The following GFPT1 variants were observed in gnomAD, a reference collection of about 807,000 sequenced individuals.
GFPT1 encodes glutamine--fructose-6-phosphate aminotransferase [isomerizing] 1.
A neutral mutation model predicts 92.0 loss-of-function variants in GFPT1; 40 were observed. That is an observed-to-expected ratio of 0.43 (90% CI 0.34 to 0.57). The LOEUF is 0.57. Ranked by LOEUF, GFPT1 falls within the 20% of genes least tolerant of loss-of-function variation. The probability of loss-of-function intolerance (pLI) is 0.02; values close to 1 mark genes in which losing one functional copy is unlikely to be tolerated. For missense variants in GFPT1, 448 were observed against 869.1 expected (o/e 0.52, Z 6.09); for synonymous variants, 269 against 280.6 (o/e 0.96, Z 0.41).
intron 3 of GFPT1, among the ~76,000 whole-genome samples, chr2:69,365,708 T>C (rs1260953089): frequency 6.6e-6 from 1 of 152,200 alleles, no homozygotes; most frequent in African/African-American, 2.4e-5. Context: ...GGCTTAACTG[T>C]GTTCTAAGTA....
chr2:69,387,115 C>A lies in GFPT1; in HGVS notation c.-44G>T. 1.3e-6 allele frequency: 2 copies of A among 1,526,700 alleles called. No homozygotes were observed. Among genetic ancestry groups the A allele is most frequent in the African/African-American group, 1.4e-5 (1 of 70,526 alleles). 94.6% of individuals were successfully genotyped at this position (1,526,700 alleles called of 1,614,324 possible). A position where few individuals can be genotyped will look rare whatever the true frequency, so the allele number is the denominator to read the frequency against. ...CGCGAGGCCAGGGGCGAGTGGCTGG[C>A]GGGATCGGGGGTGCACACACGAGCT... On this transcript the variant is annotated 5_prime_UTR_variant, in exon 1 of 20. Transcript: ENST00000357308.
chr2:69,378,946 A>G (rs189436301), intron 1 of GFPT1, among the ~76,000 whole-genome samples: 34 of 152,248 alleles, frequency 2.2e-4, no homozygotes, highest in Non-Finnish European at 2.4e-4. Flanking sequence ...ATTCATCACC[A>G]TCATTAAAAA....
At chr2:69,343,489 C>A (rs1192373515) in intron 12 of GFPT1, among the ~76,000 whole-genome samples, 2 of 151,918 alleles carry the variant, frequency 1.3e-5, no homozygotes, top group Admixed American at 6.6e-5. Flanking sequence ...CGGCTCACTG[C>A]AACCTCCACC....
chr2:69,348,667 T>C (rs2104636556), intron 10 of GFPT1, among the ~76,000 whole-genome samples: 1 of 152,262 alleles, frequency 6.6e-6, no homozygotes, highest in Middle Eastern at 3.4e-3. Context: ...ACCAGACAAA[T>C]TCAAGCTCCC....
chr2:69,335,424 T>C (rs138070002), intron 15 of GFPT1, among the ~76,000 whole-genome samples: 242 of 152,332 alleles, frequency 1.6e-3, no homozygotes, highest in East Asian at 7.7e-3. Flanking sequence ...ATATTTCCCT[T>C]GGCAGCTCAC....
intron 14 of GFPT1, 139 bp from the exon 15 acceptor site, chr2:69,338,194 T>A (rs1237532280): frequency 1.2e-6 from 1 of 857,838 alleles, no homozygotes; most frequent in African/African-American, 1.7e-5. Flanking sequence ...TTAATAAATT[T>A]ATAAAACTTT....
At chr2:69,385,289 G>A (rs1430673416) in intron 1 of GFPT1, among the ~76,000 whole-genome samples, 3 of 151,994 alleles carry the variant, frequency 2.0e-5, no homozygotes, top group African/African-American at 7.3e-5. Flanking sequence ...ACAATGGCGC[G>A]ATCCCGGCTC....
intron 13 of GFPT1, among the ~76,000 whole-genome samples, chr2:69,339,121 A>G (rs993183042): frequency 2.6e-5 from 4 of 152,128 alleles, no homozygotes; most frequent in African/African-American, 7.2e-5. Context: ...CACACATATA[A>G]AACGTTTTGA....
chr2:69,330,996 T>C (rs192626183), intron 15 of GFPT1, among the ~76,000 whole-genome samples: 17 of 152,222 alleles, frequency 1.1e-4, no homozygotes, highest in Non-Finnish European at 4.4e-5. Flanking sequence ...ATAAATTTTA[T>C]TGATGACAGC....
In GFPT1 at chr2:69,348,842, T is replaced by C. The variant is rs542049419; in HGVS notation, c.846-508A>G. On this transcript the variant is annotated intron_variant, in intron 10 of 19. Coordinates refer to ENST00000357308, the MANE Select transcript of GFPT1 (RefSeq NM_001244710.2). ...TCAACAAACCATTTGACAGTTTCCC[T>C]TTGGCTCTCAGAGAGACAACAAAGT... Among the ~76,000 whole-genome samples the C allele has an allele frequency of 3.0e-3, 456 of 152,296 alleles. 3 individuals carry two copies. The highest frequency in any genetic ancestry group is 8.5e-3 in the African/African-American group (352 of 41,566).
chr2:69,330,830 A>T (rs1381608261), intron 15 of GFPT1, among the ~76,000 whole-genome samples: 1 of 152,206 alleles, frequency 6.6e-6, no homozygotes, highest in Admixed American at 6.5e-5. Context: ...CTGTCAAGTT[A>T]CATTATAACC....
chr2:69,360,146 G>A (rs547609006), intron 4 of GFPT1, among the ~76,000 whole-genome samples: 1 of 152,044 alleles, frequency 6.6e-6, no homozygotes, highest in South Asian at 2.1e-4. Flanking sequence ...TGTTCAACAT[G>A]GCGAAACCCT....
Position 69,358,363 on chromosome 2 carries a change from A to G in GFPT1, c.509T>C (p.Phe170Ser). Residue 170 changes from phenylalanine (F) to serine (S), a missense_variant, in exon 6 of 20, where the codon TTT becomes TCT. By Grantham distance (155) the Phe-to-Ser change is radical. Transcript: ENST00000357308. ...YDNRESQDTSFTTLVERVIQQ... is the reference protein window; with the variant it reads ...YDNRESQDTSSTTLVERVIQQ... ...GATAACTCTCTCCACCAAGGTAGTA[A>G]AGCTGGTATCTTGACTTTCCCGATT... The G allele has an allele frequency of 2.5e-6, 4 of 1,612,696 alleles. No homozygotes were observed. Among genetic ancestry groups the G allele is most frequent in the Non-Finnish European group, 3.4e-6 (4 of 1,178,774 alleles).
At chr2:69,363,262 C>T (rs984287552) in intron 4 of GFPT1, among the ~76,000 whole-genome samples, 1 of 152,022 alleles carries the variant, frequency 6.6e-6, no homozygotes, top group African/African-American at 2.4e-5. Flanking sequence ...CACCACAATG[C>T]CTAACTTATT....
intron 13 of GFPT1, among the ~76,000 whole-genome samples, chr2:69,339,687 C>A (rs1365512916): frequency 6.6e-6 from 1 of 152,156 alleles, no homozygotes; most frequent in African/African-American, 2.4e-5. Flanking sequence ...CAATAAAGAA[C>A]TTAAAGGTGC....
intron 15 of GFPT1, among the ~76,000 whole-genome samples, chr2:69,330,035 T>C (rs541373296): frequency 2.6e-5 from 4 of 152,046 alleles, no homozygotes; most frequent in South Asian, 4.2e-4. Flanking sequence ...CTGGGCAACA[T>C]AGCGAAACCC....
chr2:69,355,539 C>A (rs1403027312), intron 7 of GFPT1, among the ~76,000 whole-genome samples: 1 of 152,158 alleles, frequency 6.6e-6, no homozygotes, highest in Non-Finnish European at 1.5e-5. Flanking sequence ...GCTACAGAGG[C>A]TACATGGTCC....
intron 4 of GFPT1, among the ~76,000 whole-genome samples, chr2:69,361,504 A>AT (rs1386674795): frequency 2.0e-5 from 3 of 151,938 alleles, no homozygotes; most frequent in Non-Finnish European, 2.9e-5. Context: ...TAAACAGCTA[A>AT]TTTAAAGGTC....
intron 1 of GFPT1, among the ~76,000 whole-genome samples, chr2:69,384,921 A>C (rs1672097772): frequency 6.6e-6 from 1 of 152,126 alleles, no homozygotes; most frequent in South Asian, 2.1e-4. Flanking sequence ...ATTTTAGTTC[A>C]ATGACTAAGA....
Sources: allele counts gnomAD v4.1 joint callset (sites outside exome capture counted in the v4.1 genomes callset), GRCh38; gene constraint gnomAD v4.1.1; transcripts MANE v1.5; gene names NCBI Gene and HGNC (gene_info 2026-07-23, HGNC 2026-07-21).